The following PLEKHA7 variants were observed in gnomAD, a reference collection of about 807,000 sequenced individuals.
PLEKHA7 encodes the protein pleckstrin homology domain-containing family A member 7.
PLEKHA7 carries 104 observed loss-of-function variants against 170.0 expected under a neutral mutation model. The observed-to-expected ratio is 0.61, with a 90% confidence interval of 0.52 to 0.72. The LOEUF (loss-of-function observed/expected upper bound fraction) is 0.72. Among genes scored for constraint, PLEKHA7 ranks in the 30% least tolerant of loss-of-function variants. The pLI, the probability that PLEKHA7 is intolerant of heterozygous loss-of-function variation, is 0.00. For synonymous variants in PLEKHA7, 648 were observed against 660.8 expected (o/e 0.98, Z 0.30); for missense variants, 1,615 against 1,671.7 (o/e 0.97, Z 0.59).
At chr11:16,914,672 A>G (rs146738718) in intron 3 of PLEKHA7, among the ~76,000 whole-genome samples, 46 of 152,374 alleles carry the variant, frequency 3.0e-4, no homozygotes, top group African/African-American at 1.1e-3. Context: ...CCCGGGAAAT[A>G]CTAAAGTGAT....
chr11:16,803,201 G>A lies in PLEKHA7; in HGVS notation c.2076+26C>T, dbSNP rs199734178. Reference sequence around the variant, plus strand: ...GTCTGGGTCAGGAGGCAGCTGAGGGGTCAGCGTGTCACTCTGCTCACTCAC... The same window carrying A: ...GTCTGGGTCAGGAGGCAGCTGAGGGATCAGCGTGTCACTCTGCTCACTCAC... On this transcript the variant is annotated intron_variant, in intron 14 of 26. Coordinates refer to ENST00000531066, the MANE Select transcript of PLEKHA7 (RefSeq NM_001329630.2). 8.1e-6 allele frequency: 13 copies of A among 1,606,670 alleles called. No homozygotes were observed. The African/African-American group carries it at 9.3e-5, about 12-fold the overall frequency.
chr11:16,969,847 C>A (rs1023233097), intron 3 of PLEKHA7, among the ~76,000 whole-genome samples: 1 of 152,214 alleles, frequency 6.6e-6, no homozygotes, highest in African/African-American at 2.4e-5. Context: ...TGCCAATATC[C>A]TTCCTTTTCT....
At chr11:16,853,832 A>G (rs1853193002) in intron 6 of PLEKHA7, among the ~76,000 whole-genome samples, 1 of 152,202 alleles carries the variant, frequency 6.6e-6, no homozygotes, top group East Asian at 1.9e-4. Flanking sequence ...TGCAGCTGCC[A>G]TGGGGCCAGA....
At chr11:16,946,142 C>A (rs941909127) in intron 3 of PLEKHA7, among the ~76,000 whole-genome samples, 13 of 152,206 alleles carry the variant, frequency 8.5e-5, no homozygotes, top group African/African-American at 2.7e-4. Flanking sequence ...GATCTTTCCC[C>A]GTCTGGGTGC....
chr11:16,892,863 G>A (rs377181460), intron 3 of PLEKHA7, among the ~76,000 whole-genome samples: 5 of 152,198 alleles, frequency 3.3e-5, no homozygotes, highest in African/African-American at 1.2e-4. Flanking sequence ...CAGTTCTGGA[G>A]GCTGAGATGT....
chr11:16,884,552 T>C (rs1855935547), intron 3 of PLEKHA7, among the ~76,000 whole-genome samples: 1 of 152,054 alleles, frequency 6.6e-6, no homozygotes, highest in Non-Finnish European at 1.5e-5. Flanking sequence ...GGAGAATTGT[T>C]TGAACCCAGG....
At chr11:16,838,494 T>C (rs185525885) in intron 9 of PLEKHA7, among the ~76,000 whole-genome samples, 10 of 144,290 alleles carry the variant, frequency 6.9e-5, no homozygotes, top group Admixed American at 4.2e-4. Flanking sequence ...GCCAGGGTGA[T>C]AGATTGAGAC....
chr11:16,811,656 G>A (rs1288640843), intron 13 of PLEKHA7, among the ~76,000 whole-genome samples: 2 of 152,228 alleles, frequency 1.3e-5, no homozygotes, highest in African/African-American at 2.4e-5. Context: ...AGTCACTCAA[G>A]CTCTGTGTGA....
At chr11:16,876,788 T>A (rs1490948999) in intron 3 of PLEKHA7, among the ~76,000 whole-genome samples, 21 of 152,242 alleles carry the variant, frequency 1.4e-4, no homozygotes, top group Non-Finnish European at 2.1e-4. Flanking sequence ...ATATTAATTT[T>A]CTATTCGTAT....
At chr11:16,865,545 G>C (rs1244926397) in intron 4 of PLEKHA7, among the ~76,000 whole-genome samples, 1 of 151,762 alleles carries the variant, frequency 6.6e-6, no homozygotes, top group African/African-American at 2.4e-5. Context: ...GCAACACAGT[G>C]AAACCCCATC....
chr11:16,881,601 C>G (rs1452139766), intron 3 of PLEKHA7: 1 of 152,232 alleles, frequency 6.6e-6, no homozygotes, highest in Non-Finnish European at 1.5e-5. Context: ...CTTCATGTCT[C>G]TAGAATCCAA....
rs774933986 is a variant in PLEKHA7 at position 16,801,699 on chromosome 11, T to C, written c.2276A>G (p.His759Arg). The C allele has an allele frequency of 5.6e-6, 9 of 1,614,146 alleles. No individual in the cohort carries two copies. The South Asian group carries it at 8.8e-5, about 16-fold the overall frequency. The part of the protein sequence containing the change: ...QQKLLQEDLV[H>R]IRAELSREST... ...CTCTCTGGAGAGCTCAGCTCGGATA[T>C]GGACAAGGTCCTCCTGCAGCAACTT... The change falls in exon 16 of 27, where the codon CAT becomes CGT. Residue 759 changes from histidine (H) to arginine (R), a missense_variant. Physicochemically the swap from His to Arg is conservative, Grantham distance 29. Transcript: ENST00000531066.
intron 4 of PLEKHA7, among the ~76,000 whole-genome samples, chr11:16,869,958 T>C (rs1360157791): frequency 1.3e-5 from 2 of 152,208 alleles, no homozygotes; most frequent in African/African-American, 4.8e-5. Context: ...AAAACACAAA[T>C]ATTTTCTTCA....
chr11:16,826,979 C>T (rs774812731), intron 9 of PLEKHA7, among the ~76,000 whole-genome samples: 1 of 152,206 alleles, frequency 6.6e-6, no homozygotes, highest in Non-Finnish European at 1.5e-5. Context: ...ATGGAATAGG[C>T]ACTCCGTAAC....
chr11:16,779,981 G>A (rs201832717), intron 26 of PLEKHA7, among the ~76,000 whole-genome samples: 2 of 11,728 alleles, frequency 1.7e-4, no homozygotes, highest in South Asian at 2.5e-3. Flanking sequence ...AAAACGGGGA[G>A]GGGGGGGGGA....
intron 3 of PLEKHA7, among the ~76,000 whole-genome samples, chr11:16,983,338 C>T (rs1863550095): frequency 6.6e-6 from 1 of 152,106 alleles, no homozygotes; most frequent in African/African-American, 2.4e-5. Context: ...GCACTGCTGC[C>T]GAAGGAGTCT....
chr11:16,796,797 C>T (rs1848260465), intron 17 of PLEKHA7, among the ~76,000 whole-genome samples: 1 of 151,966 alleles, frequency 6.6e-6, no homozygotes, highest in Non-Finnish European at 1.5e-5. Context: ...CTAGGAGTAC[C>T]GGAGCATGCC....
At chr11:16,991,864 A>G (rs780017816) in intron 3 of PLEKHA7, among the ~76,000 whole-genome samples, 13 of 152,222 alleles carry the variant, frequency 8.5e-5, no homozygotes, top group African/African-American at 1.4e-4. Context: ...AGGGAACTGC[A>G]GTTGTCCAGG....
chr11:16,987,527 A>T (rs150435079), intron 3 of PLEKHA7, among the ~76,000 whole-genome samples: 1,532 of 152,206 alleles, frequency 0.01, 19 homozygotes, highest in South Asian at 0.033. Flanking sequence ...CATTGGTTCT[A>T]ACCTTTGCTT....
Sources: allele counts gnomAD v4.1 joint callset (sites outside exome capture counted in the v4.1 genomes callset), GRCh38; gene constraint gnomAD v4.1.1; transcripts MANE v1.5; gene names NCBI Gene and HGNC (gene_info 2026-07-23, HGNC 2026-07-21).